The following ACHE variants were observed in gnomAD, a reference collection of about 807,000 sequenced individuals.
The protein encoded by ACHE is acetylcholinesterase.
In ACHE, 19 loss-of-function variants were observed where a neutral mutation model predicts 53.9. The ratio of observed to expected loss-of-function variants is 0.35; its 90% CI spans 0.25 to 0.52. The LOEUF is 0.52. ACHE is among the 20% of genes least tolerant of loss of function. The pLI, the probability that ACHE is intolerant of heterozygous loss-of-function variation, is 0.95. For synonymous variants in ACHE, 392 were observed against 378.1 expected (o/e 1.04, Z -0.43); for missense variants, 605 against 849.4 (o/e 0.71, Z 3.58).
chr7:100,895,094 C>T (rs1206803350), intron 1 of ACHE, among the ~76,000 whole-genome samples: 4 of 152,054 alleles, frequency 2.6e-5, no homozygotes, highest in Admixed American at 2.0e-4. Context: ...CGCCTGCGTT[C>T]CCGGGACTCC....
intron 2 of ACHE, 43 bp downstream of exon 2, chr7:100,893,122 G>C: frequency 1.9e-6 from 3 of 1,591,186 alleles, no homozygotes; most frequent in Non-Finnish European, 2.6e-6. Context: ...GGGACCGTTG[G>C]GACCCAGAGG....
In ACHE at chr7:100,893,134, G is replaced by A. The variant is rs770225404; in HGVS notation, c.1068+31C>T. On this transcript the variant is annotated intron_variant, in intron 2 of 4. Transcript: ENST00000241069. Reference sequence around the variant, plus strand: ...GGAGGGACCGTTGGGACCCAGAGGAGCCAGCTTCACGCCAGCTAGCCACTA... The same window carrying A: ...GGAGGGACCGTTGGGACCCAGAGGAACCAGCTTCACGCCAGCTAGCCACTA... The A allele has an allele frequency of 3.1e-6, 5 of 1,605,262 alleles. No individual in the cohort carries two copies. The Admixed American group carries it at 6.8e-5, about 22-fold the overall frequency.
chr7:100,892,834 A>AG lies in ACHE; in HGVS notation c.1069-17dup, dbSNP rs1228705716. On this transcript the variant is annotated splice_polypyrimidine_tract_variant and intron_variant, in intron 2 of 4. Transcript: ENST00000241069. The surrounding 1 kb of genome is among the most constrained non-coding windows in gnomAD (Gnocchi z 5.2). ...CCACCAGCACCTGGGGGTGAGGGAG[A>AG]GGGGGGTGGGATGGAGCGACAGGCA... is the stretch of plus-strand genomic sequence containing the variant. 3.9e-6 allele frequency: 6 copies of AG among 1,557,718 alleles called. No homozygotes were observed. Among genetic ancestry groups the AG allele is most frequent in the Non-Finnish European group, 5.2e-6 (6 of 1,154,500 alleles).
rs755794422 is a variant in ACHE, at chr7:100,894,221, C to CG, written c.11dup (p.Gln5AlafsTer28). On this transcript the variant is annotated frameshift_variant, in exon 2 of 5. Transcript: ENST00000241069. LOFTEE classifies it high-confidence loss of function. ...GGGAAGGCGTGTGCAGCAGACACTG[C>CG]GGGGGCCTCATGGCTGCAGGGCAGG... 2 of 1,447,040 alleles carry CG rather than the reference C, an allele frequency of 1.4e-6. No individual in the cohort carries two copies. The highest frequency in any genetic ancestry group is 1.8e-6 in the Non-Finnish European group (2 of 1,104,830). The allele number at this position is 1,447,040 out of a possible 1,614,324, so 89.6% of individuals were successfully genotyped here.
rs1313842607 is a variant in ACHE, at chr7:100,891,236, C to T, written c.1656G>A (p.Arg552=). ...CGCAGGCCTGGGCGCGCAGCCCCCG[C>T]CGCACCTCCAGCGGCCGCAGGTCCA... The part of the protein sequence containing the change: ...VSLDLRPLEV[R]RGLRAQACAF... Residue 552 remains arginine (R), a synonymous_variant, in exon 4 of 5, where the codon CGG becomes CGA. Coordinates refer to ENST00000241069, the MANE Select transcript of ACHE (RefSeq NM_000665.5). 1.9e-6 allele frequency: 3 copies of T among 1,611,522 alleles called. No homozygotes were observed. Among genetic ancestry groups the T allele is most frequent in the Admixed American group, 3.3e-5 (2 of 59,926 alleles).
At chr7:100,890,614 T>A (rs1345175624) in intron 4 of ACHE, 3 of 1,334,408 alleles carry the variant, frequency 2.2e-6, no homozygotes, top group East Asian at 2.9e-5. Flanking sequence ...GAGGGGGAGG[T>A]TGGGGGAAAA....
intron 3 of ACHE, among the ~76,000 whole-genome samples, chr7:100,891,540 C>T (rs933128644): frequency 6.6e-6 from 1 of 152,178 alleles, no homozygotes; most frequent in African/African-American, 2.4e-5. Context: ...CTCAGCTTTT[C>T]TGTTCCATCT....
Position 100,892,652 on chromosome 7 carries a change from T to C in ACHE, c.1235A>G (p.His412Arg), listed in dbSNP as rs370742086. 77 of 1,613,376 alleles carry C rather than the reference T, an allele frequency of 4.8e-5. No individual in the cohort carries two copies. The African/African-American group carries it at 9.6e-4, about 20-fold the overall frequency. ...CTCGGGATGCAGCCAGTCTGTGTAA[T>C]GCAGGACCACAGCCTCGGCTGCCAG... ...SDLAAEAVVL[H>R]YTDWLHPEDP... Residue 412 changes from histidine (H) to arginine (R), a missense_variant, in exon 3 of 5, where the codon CAT (histidine) becomes CGT (arginine). By Grantham distance (29) the His-to-Arg change is conservative. Coordinates refer to ENST00000241069, the MANE Select transcript of ACHE (RefSeq NM_000665.5). The surrounding 1 kb of genome is among the most constrained non-coding windows in gnomAD (Gnocchi z 5.2).
chr7:100,891,260 C>T lies in ACHE; in HGVS notation c.1632G>A (p.Leu544=), dbSNP rs1212806067. The change falls in exon 4 of 5, where the codon CTG becomes CTA. Residue 544 remains leucine, a synonymous_variant. Transcript: ENST00000241069. ...YTAGAQQYVS[L]DLRPLEVRRG... ...GCCGCACCTCCAGCGGCCGCAGGTC[C>T]AGACTAACGTACTGCTGAGCCCCCG... 4 of 1,611,236 alleles carry T rather than the reference C, an allele frequency of 2.5e-6. No homozygotes were observed. The highest frequency in any genetic ancestry group is 3.4e-6 in the Non-Finnish European group (4 of 1,179,670).
chr7:100,890,462 C>A (rs1790601173), intron 4 of ACHE, 127 bp from the exon 5 acceptor site: 2 of 1,471,382 alleles, frequency 1.4e-6, no homozygotes, highest in African/African-American at 1.4e-5. Context: ...TGCAGGCGAC[C>A]ACGTGGGACG....
In ACHE at chr7:100,892,990, A is replaced by G. The variant is rs1193245987; in HGVS notation, c.1069-172T>C. Among the ~76,000 whole-genome samples, 1 of 151,992 alleles carries G rather than the reference A, an allele frequency of 6.6e-6. No homozygotes were observed. Among genetic ancestry groups the G allele is most frequent in the East Asian group, 1.9e-4 (1 of 5,174 alleles). On this transcript the variant is annotated intron_variant, in intron 2 of 4. Coordinates refer to ENST00000241069, the MANE Select transcript of ACHE (RefSeq NM_000665.5). This position sits in a 1 kb window ranked among gnomAD's most constrained non-coding sequence, Gnocchi z 5.2. ...ATGCAGAGAAAGAGAAAATAGACCCATGGTGGCTTTCCTGTCTGCCCTGCT... is the reference window on the plus strand; with the variant it reads ...ATGCAGAGAAAGAGAAAATAGACCCGTGGTGGCTTTCCTGTCTGCCCTGCT...
At position 100,892,576 on chromosome 7, in the gene ACHE, A is replaced by G. The variant is rs1451755729; in HGVS notation, c.1311T>C (p.Asn437=). The G allele has an allele frequency of 3.1e-6, 5 of 1,613,046 alleles. No individual in the cohort carries two copies. The highest frequency in any genetic ancestry group is 4.2e-6 in the Non-Finnish European group (5 of 1,179,816). The change falls in exon 3 of 5, where the codon AAT becomes AAC. Residue 437 remains asparagine (N), a synonymous_variant. Coordinates refer to ENST00000241069, the MANE Select transcript of ACHE (RefSeq NM_000665.5). This position sits in a 1 kb window ranked among gnomAD's most constrained non-coding sequence, Gnocchi z 5.2. ...CCAGCTGGGCCACGGGGCACACGACATTGTGGTCGCCCACCACATCGCTCA... is the reference window on the plus strand; with the variant it reads ...CCAGCTGGGCCACGGGGCACACGACGTTGTGGTCGCCCACCACATCGCTCA... ...EALSDVVGDH[N]VVCPVAQLAG...
chr7:100,893,656 GC>G lies in ACHE; in HGVS notation c.576del (p.Pro193ArgfsTer36). On this transcript the variant is annotated frameshift_variant, in exon 2 of 5. Transcript: ENST00000241069. LOFTEE classifies it high-confidence loss of function. The part of the protein sequence containing the change: ...YRVGAFGFLA[L>X]PGSREAPGNV... ...TTGCCCGGGGCCTCTCGGCTCCCCG[GC>G]AGGGCCAGGAAGCCAAAGGCTCCCA... 1 of 1,613,184 alleles carries G rather than the reference GC, an allele frequency of 6.2e-7. No homozygotes were observed. Among genetic ancestry groups the G allele is most frequent in the Non-Finnish European group, 8.5e-7 (1 of 1,180,022 alleles).
rs144995873 is a variant in ACHE at position 100,893,189 on chromosome 7, G to A, written c.1044C>T (p.Asn348=). The A allele has an allele frequency of 8.9e-5, 143 of 1,613,888 alleles. No individual in the cohort carries two copies. Among genetic ancestry groups the A allele is most frequent in the Middle Eastern group, 4.9e-4 (3 of 6,084 alleles). ...CCTGCAGGCCGTGGAAGTCTCCCGC[G>A]TTGATGAGGGCCTCTGGGGTGTCAC... ...FLSDTPEALI[N]AGDFHGLQVL... Residue 348 remains asparagine, a synonymous_variant, in exon 2 of 5, where the codon AAC becomes AAT. Transcript: ENST00000241069.
At chr7:100,893,096 C>G (rs1401441587) in intron 2 of ACHE, 69 bp downstream of exon 2, 1 of 1,504,390 alleles carries the variant, frequency 6.6e-7, no homozygotes, top group African/African-American at 1.4e-5. Flanking sequence ...ATGCCTGGGT[C>G]CCTGCAGGGA....
rs776249989 is a variant in ACHE at position 100,893,490 on chromosome 7, G to A, written c.743C>T (p.Pro248Leu). ...GGCCCTGTGGAACAGGCCCCGGCTG[G>A]GCGGGGACAGCAGGTGCATGCCCAC... ...ASVGMHLLSP[P>L]SRGLFHRAVL... The change falls in exon 2 of 5, where the codon CCC becomes CTC. Residue 248 changes from proline to leucine, a missense_variant. Physicochemically the swap from Pro to Leu is moderately conservative, Grantham distance 98. Transcript: ENST00000241069. 2 of 1,607,936 alleles carry A rather than the reference G, an allele frequency of 1.2e-6. No individual in the cohort carries two copies. Among genetic ancestry groups the A allele is most frequent in the Admixed American group, 3.3e-5 (2 of 59,988 alleles).
At chr7:100,891,379 G>T (rs1331558000) in intron 3 of ACHE, 41 bp from the exon 4 acceptor site, 18 of 1,489,268 alleles carry the variant, frequency 1.2e-5, no homozygotes, top group Non-Finnish European at 1.6e-5. Context: ...CGGGCAGTGG[G>T]AGGAGGTGGC....
chr7:100,893,244 AAGG>A lies in ACHE; in HGVS notation c.986_988del (p.Ser329del). 6.2e-7 allele frequency: 1 copy of A among 1,614,128 alleles called. No homozygotes were observed. The highest frequency in any genetic ancestry group is 8.5e-7 in the Non-Finnish European group (1 of 1,180,028). ...GAAGTCTCCATCTACCACAGGCACG[AAGG>A]AGAACCGGAAGACGCTTTCTTGAGG... On this transcript the variant is annotated inframe_deletion, in exon 2 of 5. Transcript: ENST00000241069.
At chr7:100,891,145 C>T (rs764156092) in intron 4 of ACHE, 24 bp downstream of exon 4, 4 of 1,582,528 alleles carry the variant, frequency 2.5e-6, no homozygotes, top group African/African-American at 2.7e-5. Context: ...TCCTCCCAGC[C>T]GCTGCCCGCT....
Sources: allele counts gnomAD v4.1 joint callset (sites outside exome capture counted in the v4.1 genomes callset), GRCh38; gene constraint gnomAD v4.1.1; non-coding constraint Gnocchi (gnomAD v3.1); transcripts MANE v1.5; gene names NCBI Gene and HGNC (gene_info 2026-07-23, HGNC 2026-07-21).